The following PCDH15 variants were observed in gnomAD, a reference collection of about 807,000 sequenced individuals.
PCDH15 encodes protocadherin related 15.
PCDH15 carries 129 observed loss-of-function variants against 178.5 expected under a neutral mutation model. The ratio of observed to expected loss-of-function variants is 0.72; its 90% CI spans 0.63 to 0.84. The LOEUF (loss-of-function observed/expected upper bound fraction) is 0.84, where lower values mean the gene tolerates loss of function less well. Ranked by LOEUF, PCDH15 falls within the 40% of genes least tolerant of loss-of-function variation. The pLI, the probability that PCDH15 is intolerant of heterozygous loss-of-function variation, is 0.00. For synonymous variants in PCDH15, 800 were observed against 732.0 expected, an observed-to-expected ratio of 1.09 and a Z score of -1.50; for missense variants, 2,230 against 2,099.9, an observed-to-expected ratio of 1.06 and a Z score of -1.21.
chr10:55,401,454 T>G (rs529294247), intron 2 of PCDH15, among the ~76,000 whole-genome samples: 7 of 152,130 alleles, frequency 4.6e-5, no homozygotes, highest in Non-Finnish European at 1.0e-4. Flanking sequence ...GTTGTGATCC[T>G]GTCCACAGTA....
intron 1 of PCDH15, among the ~76,000 whole-genome samples, chr10:54,780,394 T>G (rs1028700819): frequency 4.5e-4 from 69 of 152,254 alleles, no homozygotes; most frequent in Admixed American, 1.7e-3. Context: ...GTCAGCTGTT[T>G]ACTGCAAAAC....
intron 2 of PCDH15, among the ~76,000 whole-genome samples, chr10:55,349,474 T>C (rs1024011542): frequency 6.6e-6 from 1 of 152,148 alleles, no homozygotes; most frequent in African/African-American, 2.4e-5. Context: ...TGCTTCCTGG[T>C]GCTCTTGTTT....
At chr10:53,828,654 T>G in intron 30 of PCDH15, 81 bp from the exon 31 acceptor site, 8 of 1,132,572 alleles carry the variant, frequency 7.1e-6, no homozygotes, top group Non-Finnish European at 1.1e-5. Flanking sequence ...ATCTGATTTA[T>G]TCTAAATCAT....
chr10:55,038,516 C>A (rs1840790559), intron 2 of PCDH15, among the ~76,000 whole-genome samples: 3 of 152,146 alleles, frequency 2.0e-5, no homozygotes, highest in African/African-American at 7.2e-5. Flanking sequence ...TGAGGCAAAA[C>A]TGGAAAACAT....
In PCDH15 at chr10:54,538,854, T is replaced by C. The variant is rs145556005; in HGVS notation, c.92-10977A>G. ...TCTTTATAAATTACCCAGTCTCAGG[T>C]AGTTCTTTATAATGATGCAACAATG... On this transcript the variant is annotated intron_variant, in intron 2 of 37. Transcript: ENST00000644397. Among the ~76,000 whole-genome samples, 1,448 of 152,238 alleles carry C rather than the reference T, an allele frequency of 9.5e-3. 19 individuals carry two copies. Among genetic ancestry groups the C allele is most frequent in the African/African-American group, 0.033 (1,367 of 41,536 alleles).
intron 9 of PCDH15, among the ~76,000 whole-genome samples, chr10:54,236,378 A>G (rs770316986): frequency 4.0e-5 from 6 of 149,562 alleles, no homozygotes; most frequent in Non-Finnish European, 8.9e-5. Context: ...GTGCTCTCTC[A>G]CCTTTTTTTT....
At chr10:54,412,191 C>T (rs763851317) in intron 3 of PCDH15, among the ~76,000 whole-genome samples, 5 of 150,916 alleles carry the variant, frequency 3.3e-5, no homozygotes, top group Non-Finnish European at 7.4e-5. Context: ...GGGAAAACAT[C>T]TGATAAAATT....
intron 1 of PCDH15, among the ~76,000 whole-genome samples, chr10:54,724,568 G>T (rs576013183): frequency 6.6e-6 from 1 of 151,468 alleles, no homozygotes; most frequent in Non-Finnish European, 1.5e-5. Flanking sequence ...ATTAGCTGTA[G>T]AGAGTAGTAT....
chr10:54,600,399 G>A (rs993854296), intron 2 of PCDH15: 3 of 562,740 alleles, frequency 5.3e-6, no homozygotes, highest in African/African-American at 3.8e-5. Context: ...AAGGCAGTGG[G>A]AGGGAAGAGG....
At chr10:55,159,288 A>G (rs1382155477) in intron 2 of PCDH15, among the ~76,000 whole-genome samples, 1 of 149,488 alleles carries the variant, frequency 6.7e-6, no homozygotes, top group East Asian at 2.0e-4. Flanking sequence ...GTATCTATCT[A>G]TATATAGTTA....
At chr10:54,872,528 TC>T (rs919212794) in intron 3 of PCDH15, among the ~76,000 whole-genome samples, 34 of 152,076 alleles carry the variant, frequency 2.2e-4, no homozygotes, top group African/African-American at 8.2e-4. Context: ...TTTCAATACC[TC>T]TCCATATATT....
chr10:55,378,541 C>T (rs1837453447), intron 2 of PCDH15, among the ~76,000 whole-genome samples: 2 of 152,066 alleles, frequency 1.3e-5, no homozygotes, highest in African/African-American at 2.4e-5. Flanking sequence ...TTTTATGGAA[C>T]TATTTACCTC....
At chr10:55,453,876 T>C (rs1394635923) in intron 2 of PCDH15, among the ~76,000 whole-genome samples, 1 of 152,214 alleles carries the variant, frequency 6.6e-6, no homozygotes, top group African/African-American at 2.4e-5. Context: ...ATTTAGCTTC[T>C]GCTATATCTG....
chr10:54,184,893 T>A (rs2133814471), intron 12 of PCDH15, among the ~76,000 whole-genome samples: 1 of 152,280 alleles, frequency 6.6e-6, no homozygotes, highest in Admixed American at 6.5e-5. Context: ...CACTTTCTTT[T>A]TTTTTTGAAA....
At chr10:55,382,177 T>A (rs1205873671) in intron 2 of PCDH15, among the ~76,000 whole-genome samples, 1 of 152,190 alleles carries the variant, frequency 6.6e-6, no homozygotes, top group Non-Finnish European at 1.5e-5. Flanking sequence ...ATTGTTACCA[T>A]GACATCTGCC....
intron 14 of PCDH15, 108 bp downstream of exon 14, chr10:54,152,992 T>C: frequency 7.8e-7 from 1 of 1,275,160 alleles, no homozygotes. Flanking sequence ...TTTTCTGATC[T>C]AATTTAGATG....
At chr10:54,934,353 T>A (rs1416077426) in intron 2 of PCDH15, among the ~76,000 whole-genome samples, 1 of 152,152 alleles carries the variant, frequency 6.6e-6, no homozygotes, top group Non-Finnish European at 1.5e-5. Context: ...AATAGTTATA[T>A]ATAATTTGGA....
intron 2 of PCDH15, among the ~76,000 whole-genome samples, chr10:54,594,306 CT>C (rs1185222355): frequency 6.6e-6 from 1 of 152,078 alleles, no homozygotes; most frequent in Non-Finnish European, 1.5e-5. Flanking sequence ...GCCCATCCCC[CT>C]AGGCTTGATT....
chr10:55,516,166 C>T (rs1204832348), intron 2 of PCDH15, among the ~76,000 whole-genome samples: 2 of 151,878 alleles, frequency 1.3e-5, no homozygotes, highest in African/African-American at 2.4e-5. Flanking sequence ...GGGAGGGACC[C>T]GGTGGGAGAT....
Sources: gnomAD v4.1 joint callset for allele counts (sites outside exome capture counted in the v4.1 genomes callset) on GRCh38, gnomAD v4.1.1 for gene constraint, MANE v1.5 for transcripts, NCBI Gene and HGNC (gene_info 2026-07-23, HGNC 2026-07-21) for gene names.